PRDM15: variants seen among roughly 807,000 people sequenced by gnomAD.
PRDM15 encodes the protein PR/SET domain 15.
Under a neutral mutation model 128.6 loss-of-function variants are expected in PRDM15, and 64 were observed. The observed-to-expected ratio is 0.50, with a 90% CI of 0.41 to 0.61. The LOEUF (loss-of-function observed/expected upper bound fraction) is 0.61. Ranked by LOEUF, PRDM15 falls within the 20% of genes least tolerant of loss-of-function variation. The pLI is 0.00. For synonymous variants in PRDM15, 615 were observed against 621.8 expected, an observed-to-expected ratio of 0.99 and a Z score of 0.16; for missense variants, 1,242 against 1,569.1, an observed-to-expected ratio of 0.79 and a Z score of 3.52.
At position 41,847,142 on chromosome 21, in the gene PRDM15, C is replaced by T. The variant is rs1363086298; in HGVS notation, c.588G>A (p.Gln196=). 6 of 1,556,082 alleles carry T rather than the reference C, an allele frequency of 3.9e-6. No individual in the cohort carries two copies. The highest frequency in any genetic ancestry group is 5.2e-6 in the Non-Finnish European group (6 of 1,148,934). ...NSAPVESEPS[Q]WACKVCSATF... Reference sequence around the variant, plus strand: ...TGGCAGAACACACTTTACACGCCCACTGGCTGGGCTCCGACTCCACGGGGG... The same window carrying T: ...TGGCAGAACACACTTTACACGCCCATTGGCTGGGCTCCGACTCCACGGGGG... The change falls in exon 6 of 24, where the codon CAG becomes CAA. Residue 196 remains glutamine, a synonymous_variant. Transcript: ENST00000398548.
In PRDM15 at chr21:41,837,907, CGGCCCCA is replaced by C; in HGVS notation, c.1001+20_1001+26del. 6.2e-7 allele frequency: 1 copy of C among 1,613,480 alleles called. No individual in the cohort carries two copies. Among genetic ancestry groups the C allele is most frequent in the Non-Finnish European group, 8.5e-7 (1 of 1,179,530 alleles). On this transcript the variant is annotated intron_variant, in intron 8 of 23. Transcript: ENST00000398548. Reference sequence around the variant, plus strand: ...CTGCCAGCATTGTCTGTCCACAGGACGGCCCCAGGTGCCAGGCAGGACTTACTTTGGA... The same window carrying C: ...CTGCCAGCATTGTCTGTCCACAGGACGGTGCCAGGCAGGACTTACTTTGGA...
At chr21:41,860,263 G>A (rs1000117345) in intron 2 of PRDM15, 64 bp downstream of exon 2, 23 of 1,303,722 alleles carry the variant, frequency 1.8e-5, no homozygotes, top group South Asian at 3.6e-5. Context: ...CAAGCGCCAC[G>A]CCCATCTGTG....
chr21:41,838,281 A>G (rs1319319156), intron 7 of PRDM15, among the ~76,000 whole-genome samples: 6 of 152,332 alleles, frequency 3.9e-5, no homozygotes, highest in African/African-American at 1.4e-4. Flanking sequence ...CTTAGCCTAA[A>G]CTGAAGTTAT....
rs140748700 is a variant in PRDM15 at position 41,875,339 on chromosome 21, C to T, written c.-10+3931G>A. ...GCCCCTCGCCCTGCCAGGCCCCGGA[C>T]GGCAGCTCCACCTGATGCCTGGAAC... On this transcript the variant is annotated intron_variant, in intron 1 of 23. Transcript: ENST00000398548. Among the ~76,000 whole-genome samples, 280 of 152,398 alleles carry T rather than the reference C, an allele frequency of 1.8e-3. 2 individuals are homozygous for T. Among genetic ancestry groups the T allele is most frequent in the African/African-American group, 6.5e-3 (270 of 41,598 alleles).
chr21:41,846,027 G>A (rs138509086), intron 6 of PRDM15, among the ~76,000 whole-genome samples: 22 of 152,092 alleles, frequency 1.4e-4, no homozygotes, highest in East Asian at 1.4e-3. Flanking sequence ...AGCAGAGGGC[G>A]AAATGACACA....
chr21:41,871,696 C>A (rs748128996), intron 1 of PRDM15: 373 of 1,477,398 alleles, frequency 2.5e-4, no homozygotes, highest in Non-Finnish European at 3.2e-4. Flanking sequence ...TGAAACATGA[C>A]AGAAACTAAC....
At chr21:41,813,480 G>C (rs375833441) in intron 19 of PRDM15, 1 of 152,652 alleles carries the variant, frequency 6.6e-6, no homozygotes, top group Non-Finnish European at 1.5e-5. Context: ...CTGGGGAGCA[G>C]GGGAGGAAGG....
chr21:41,879,014 G>A lies in PRDM15; in HGVS notation c.-10+256C>T. ...GCGGGACCCGGCGGGCGGGCGGCGC[G>A]CAGGGCGATCCCGGAGCGGCTCCGG... is the stretch of plus-strand genomic sequence containing the variant. On this transcript the variant is annotated intron_variant, in intron 1 of 23. Transcript: ENST00000398548. The surrounding 1 kb of genome is among the most constrained non-coding windows in gnomAD (Gnocchi z 5.1). 1 of 1,046,178 alleles carries A rather than the reference G, an allele frequency of 9.6e-7. No homozygotes were observed. The highest frequency in any genetic ancestry group is 2.9e-5 in the South Asian group (1 of 33,914). The allele number at this position is 1,046,178 out of a possible 1,614,324, so 64.8% of individuals were successfully genotyped here.
chr21:41,860,459 C>T, intron 1 of PRDM15, 87 bp from the exon 2 acceptor site: 1 of 1,157,534 alleles, frequency 8.6e-7, no homozygotes, highest in Non-Finnish European at 1.3e-6. Context: ...CCCTCTGTTG[C>T]CCAGGATAGA....
rs756995581 is a variant in PRDM15, at chr21:41,862,249, C to A, written c.-9-1877G>T. Reference sequence around the variant, plus strand: ...GGGAACGATAGGCCTTAAGAGGCGCCCCACACTGCGGTCAGATCACCGCAG... The same window carrying A: ...GGGAACGATAGGCCTTAAGAGGCGCACCACACTGCGGTCAGATCACCGCAG... On this transcript the variant is annotated intron_variant, in intron 1 of 23. Coordinates refer to ENST00000398548, the MANE Select transcript of PRDM15 (RefSeq NM_001040424.3). The surrounding 1 kb of genome is among the most constrained non-coding windows in gnomAD (Gnocchi z 4.1). Among the ~76,000 whole-genome samples the A allele has an allele frequency of 3.3e-5, 5 of 152,160 alleles. No homozygotes were observed. The highest frequency in any genetic ancestry group is 6.5e-5 in the Admixed American group (1 of 15,276).
intron 5 of PRDM15, among the ~76,000 whole-genome samples, chr21:41,847,655 C>G (rs966734179): frequency 5.9e-5 from 9 of 152,234 alleles, no homozygotes; most frequent in Non-Finnish European, 1.0e-4. Context: ...CCGCCCAGCG[C>G]TATCCGGCAG....
intron 11 of PRDM15, 132 bp downstream of exon 11, chr21:41,835,305 G>A: frequency 1.4e-6 from 1 of 737,242 alleles, no homozygotes; most frequent in Non-Finnish European, 2.3e-6. Context: ...ATGGACAGAG[G>A]GAAATGTTAA....
chr21:41,839,471 G>A lies in PRDM15; in HGVS notation c.871+152C>T, dbSNP rs563839709. ...ATTGTACTTTACTAGAGTTGATTGA[G>A]AGAAAAACAGACGGGCTTAGAGTCT... On this transcript the variant is annotated intron_variant, in intron 7 of 23. Transcript: ENST00000398548. 6.3e-4 allele frequency: 406 copies of A among 644,436 alleles called. 2 individuals are homozygous for A. The African/African-American group carries it at 6.6e-3, about 11-fold the overall frequency. 39.9% of individuals were successfully genotyped at this position (644,436 alleles called of 1,614,324 possible). A position where few individuals can be genotyped will look rare whatever the true frequency, so the allele number is the denominator to read the frequency against.
chr21:41,849,387 G>A (rs1312235262), intron 5 of PRDM15, among the ~76,000 whole-genome samples: 1 of 152,034 alleles, frequency 6.6e-6, no homozygotes, highest in Non-Finnish European at 1.5e-5. Context: ...GGGCAACATA[G>A]CAAAACGCCG....
chr21:41,844,799 CACAGTCCCTCCCCCCTCACAGGG>C, intron 6 of PRDM15, among the ~76,000 whole-genome samples: 1 of 13,684 alleles, frequency 7.3e-5, no homozygotes, highest in African/African-American at 3.3e-4. Flanking sequence ...CAGGGACACA[CACAGTCCCTCCCCCCTCACAGGG>C]ACACACACAG....
intron 1 of PRDM15, chr21:41,874,695 TCA>T (rs1017329639): frequency 1.3e-5 from 2 of 151,876 alleles, no homozygotes; most frequent in African/African-American, 4.8e-5. Context: ...GACCCTGAAC[TCA>T]CAGTGAGTTT....
At chr21:41,805,351 T>C (rs1274817876) in intron 21 of PRDM15, among the ~76,000 whole-genome samples, 1 of 152,154 alleles carries the variant, frequency 6.6e-6, no homozygotes, top group African/African-American at 2.4e-5. Flanking sequence ...TTAGCAAGAG[T>C]CTGCCTGTAA....
chr21:41,859,015 C>A lies in PRDM15; in HGVS notation c.131+577G>T. On this transcript the variant is annotated intron_variant, in intron 3 of 23. Coordinates refer to ENST00000398548, the MANE Select transcript of PRDM15 (RefSeq NM_001040424.3). This position sits in a 1 kb window ranked among gnomAD's most constrained non-coding sequence, Gnocchi z 5.3. ...GGCCACCGAGGTCCGGAGAGGAGTG[C>A]CTTGTCCAAGCTCACCTGCCCTGGG... 1 of 1,541,474 alleles carries A rather than the reference C, an allele frequency of 6.5e-7. No homozygotes were observed. Among genetic ancestry groups the A allele is most frequent in the Non-Finnish European group, 8.8e-7 (1 of 1,140,538 alleles).
At chr21:41,861,729 T>G in intron 1 of PRDM15, 1 of 1,614,086 alleles carries the variant, frequency 6.2e-7, no homozygotes, top group Non-Finnish European at 8.5e-7. Context: ...ATATGGAAAC[T>G]CACAGTCACT....
Sources: allele counts gnomAD v4.1 joint callset (sites outside exome capture counted in the v4.1 genomes callset), GRCh38; gene constraint gnomAD v4.1.1; non-coding constraint Gnocchi (gnomAD v3.1); transcripts MANE v1.5; gene names NCBI Gene and HGNC (gene_info 2026-07-23, HGNC 2026-07-21).